RAD54L2: variants seen among roughly 807,000 people sequenced by gnomAD.
RAD54L2 encodes the protein RAD54 like 2, also known as helicase ARIP4.
Under a neutral mutation model 138.4 loss-of-function variants are expected in RAD54L2, and 27 were observed. The observed-to-expected ratio is 0.20, with a 90% CI of 0.14 to 0.27. The LOEUF is 0.27. Ranked by LOEUF, RAD54L2 falls within the 10% of genes least tolerant of loss-of-function variation. RAD54L2 has a pLI of 1.00. For missense variants in RAD54L2, 1,396 were observed against 1,890.2 expected (o/e 0.74, Z 4.85); for synonymous variants, 644 against 723.2 (o/e 0.89, Z 1.76).
intron 2 of RAD54L2, among the ~76,000 whole-genome samples, chr3:51,542,468 C>T (rs544830596): frequency 9.4e-5 from 14 of 149,372 alleles, no homozygotes; most frequent in African/African-American, 2.7e-4. Context: ...TTTTTTGAGA[C>T]GGAGTCTTGC....
chr3:51,631,203 G>A (rs766385262), intron 7 of RAD54L2, among the ~76,000 whole-genome samples: 1 of 152,152 alleles, frequency 6.6e-6, no homozygotes, highest in Non-Finnish European at 1.5e-5. Context: ...AATAATTTGA[G>A]CCTCTTTCTG....
chr3:51,551,745 ATTTC>A (rs1275598057), intron 2 of RAD54L2, among the ~76,000 whole-genome samples: 3 of 146,250 alleles, frequency 2.1e-5, no homozygotes, highest in African/African-American at 7.6e-5. Flanking sequence ...TGTAGGATAC[ATTTC>A]TTTTTCTTTC....
intron 13 of RAD54L2, 68 bp from the exon 14 acceptor site, chr3:51,639,813 G>A (rs1701082135): frequency 1.2e-5 from 18 of 1,483,260 alleles, no homozygotes; most frequent in Admixed American, 4.1e-5. Context: ...TGCCTTGGAA[G>A]GAAATAATTT....
At chr3:51,563,110 T>C (rs1248786227) in intron 2 of RAD54L2, among the ~76,000 whole-genome samples, 1 of 152,132 alleles carries the variant, frequency 6.6e-6, no homozygotes, top group Non-Finnish European at 1.5e-5. Flanking sequence ...CAGTAGAGAG[T>C]AGTTTTTTAA....
chr3:51,665,556 T>C lies in RAD54L2; in HGVS notation c.*2136T>C, dbSNP rs1471150795. 1 of 152,234 alleles carries C rather than the reference T, an allele frequency of 6.6e-6. No individual in the cohort carries two copies. The highest frequency in any genetic ancestry group is 1.5e-5 in the Non-Finnish European group (1 of 68,032). The allele number at this position is 152,234 out of a possible 1,614,324, so 9.4% of individuals were successfully genotyped here. ...CTTCTACTCATGGAAGCCTTAGATCTACAATTTAGCTATGCAAATTATTTT... is the reference window on the plus strand; with the variant it reads ...CTTCTACTCATGGAAGCCTTAGATCCACAATTTAGCTATGCAAATTATTTT... On this transcript the variant is annotated 3_prime_UTR_variant, in exon 23 of 23. Coordinates refer to ENST00000684192, the MANE Select transcript of RAD54L2 (RefSeq NM_015106.4).
intron 2 of RAD54L2, among the ~76,000 whole-genome samples, chr3:51,574,808 CT>C (rs779255889): frequency 1.0e-3 from 158 of 152,232 alleles, no homozygotes; most frequent in Non-Finnish European, 1.8e-3. Context: ...CCTGTTCATT[CT>C]GATGGTCATT....
chr3:51,573,635 A>G (rs1269608908), intron 2 of RAD54L2, among the ~76,000 whole-genome samples: 1 of 151,946 alleles, frequency 6.6e-6, no homozygotes, highest in African/African-American at 2.4e-5. Flanking sequence ...ACGCCTGACT[A>G]ATTTTTGTAT....
At chr3:51,613,106 A>T (rs901488721) in intron 3 of RAD54L2, among the ~76,000 whole-genome samples, 2 of 151,706 alleles carry the variant, frequency 1.3e-5, no homozygotes, top group African/African-American at 2.4e-5. Flanking sequence ...CACCCAGCTA[A>T]TTTTTTTATA....
At chr3:51,660,150 T>TTTTA in intron 22 of RAD54L2, 32 bp downstream of exon 22, 1 of 1,530,868 alleles carries the variant, frequency 6.5e-7, no homozygotes, top group South Asian at 1.2e-5. Flanking sequence ...ATTTTACTTT[T>TTTTA]CAAACAACAT....
intron 3 of RAD54L2, among the ~76,000 whole-genome samples, chr3:51,623,457 T>C (rs1700608194): frequency 6.6e-6 from 1 of 152,208 alleles, no homozygotes; most frequent in Admixed American, 6.5e-5. Context: ...TGAAGAATAG[T>C]ATCTTCCACA....
intron 3 of RAD54L2, among the ~76,000 whole-genome samples, chr3:51,595,810 T>C (rs1354325380): frequency 6.6e-6 from 1 of 152,218 alleles, no homozygotes; most frequent in South Asian, 2.1e-4. Flanking sequence ...TTCAGAATGG[T>C]AGGGAAAGTT....
At chr3:51,589,844 C>G (rs2106708743) in intron 2 of RAD54L2, among the ~76,000 whole-genome samples, 1 of 152,182 alleles carries the variant, frequency 6.6e-6, no homozygotes, top group South Asian at 2.1e-4. Context: ...AAGGTGTTTT[C>G]TTGTCAAAAT....
At chr3:51,544,845 C>T (rs782135494) in intron 2 of RAD54L2, among the ~76,000 whole-genome samples, 1 of 152,134 alleles carries the variant, frequency 6.6e-6, no homozygotes. Context: ...AAGTGATCTG[C>T]CCATCTTGGC....
rs1701029946 is a variant in RAD54L2, at chr3:51,638,006, C to G, written c.1683-138C>G. 2.6e-6 allele frequency: 2 copies of G among 779,272 alleles called. No homozygotes were observed. The highest frequency in any genetic ancestry group is 5.5e-5 in the Admixed American group (2 of 36,636). The allele number at this position is 779,272 out of a possible 1,614,324, so 48.3% of individuals were successfully genotyped here. A position where few individuals can be genotyped will look rare whatever the true frequency, so the allele number is the denominator to read the frequency against. ...TCTTCTTGGTTGTTGAACCACTCTG[C>G]ATTATTGCAAGGCTGCAGTGCATGT... On this transcript the variant is annotated intron_variant, in intron 11 of 22. Coordinates refer to ENST00000684192, the MANE Select transcript of RAD54L2 (RefSeq NM_015106.4). The surrounding 1 kb of genome is among the most constrained non-coding windows in gnomAD (Gnocchi z 4.3).
intron 2 of RAD54L2, among the ~76,000 whole-genome samples, chr3:51,575,319 T>TTG (rs1193000583): frequency 6.6e-6 from 1 of 152,224 alleles, no homozygotes; most frequent in Non-Finnish European, 1.5e-5. Flanking sequence ...TAGGATTGTC[T>TTG]TGGCAATGCA....
intron 3 of RAD54L2, among the ~76,000 whole-genome samples, chr3:51,619,576 G>A (rs1460080249): frequency 1.3e-5 from 2 of 150,710 alleles, no homozygotes; most frequent in African/African-American, 4.9e-5. Flanking sequence ...TTTTACTACC[G>A]GTCTCCTCAT....
At chr3:51,545,348 C>T (rs535222411) in intron 2 of RAD54L2, among the ~76,000 whole-genome samples, 80 of 152,064 alleles carry the variant, frequency 5.3e-4, no homozygotes, top group African/African-American at 1.9e-3. Context: ...CGTGCCACCA[C>T]GCCTGGCTAG....
At chr3:51,639,227 T>C (rs1175336767) in intron 12 of RAD54L2, 192 bp from the exon 13 acceptor site, 4 of 616,814 alleles carry the variant, frequency 6.5e-6, no homozygotes, top group Non-Finnish European at 1.1e-5. Context: ...TCATGTGTCA[T>C]GGTGACCAGA....
At position 51,616,659 on chromosome 3, in the gene RAD54L2, C is replaced by G. The variant is rs963379735; in HGVS notation, c.140-10894C>G. On this transcript the variant is annotated intron_variant, in intron 3 of 22. Transcript: ENST00000684192. ...CCTGGCCAACATGGTGAAACCCCGT[C>G]TCTACTAAAAATAGAAAAATTAGCT... is the stretch of plus-strand genomic sequence containing the variant. Among the ~76,000 whole-genome samples, 5 of 152,040 alleles carry G rather than the reference C, an allele frequency of 3.3e-5. No individual in the cohort carries two copies. In the South Asian group the frequency reaches 1.0e-3, roughly 32 times the overall value.
Sources: allele counts gnomAD v4.1 joint callset (sites outside exome capture counted in the v4.1 genomes callset), GRCh38; gene constraint gnomAD v4.1.1; non-coding constraint Gnocchi (gnomAD v3.1); transcripts MANE v1.5; gene names NCBI Gene and HGNC (gene_info 2026-07-23, HGNC 2026-07-21).